The following SLC23A2 variants were observed in gnomAD, a reference collection of about 807,000 sequenced individuals.
SLC23A2 encodes the protein solute carrier family 23 member 2.
In SLC23A2, 36 loss-of-function variants were observed where a neutral mutation model predicts 73.3. The ratio of observed to expected loss-of-function variants is 0.49; its 90% CI spans 0.38 to 0.65. The LOEUF (loss-of-function observed/expected upper bound fraction) is 0.65, where lower values mean the gene tolerates loss of function less well. Ranked by LOEUF, SLC23A2 falls within the 30% of genes least tolerant of loss-of-function variation. SLC23A2 has a pLI of 0.00. For missense variants in SLC23A2, 507 were observed against 841.6 expected (o/e 0.60, Z 4.92); for synonymous variants, 343 against 327.3 (o/e 1.05, Z -0.52).
chr20:4,867,256 G>A (rs1930240300), intron 13 of SLC23A2, among the ~76,000 whole-genome samples: 1 of 151,868 alleles, frequency 6.6e-6, no homozygotes, highest in African/African-American at 2.4e-5. Context: ...ATAGGGCTCG[G>A]CCCTGGCCAC....
intron 4 of SLC23A2, among the ~76,000 whole-genome samples, chr20:4,912,015 T>C (rs1215774513): frequency 6.6e-6 from 1 of 151,136 alleles, no homozygotes; most frequent in Non-Finnish European, 1.5e-5. Flanking sequence ...TATTTCTTTT[T>C]TTTTTTTTTT....
rs1319533074 is a variant in SLC23A2, at chr20:4,863,737, G to A, written c.1357-830C>T. ...AGGCTCTTTCCAAGCACACCAGGCAGGCCTGGGCCTGTCTACCTGGACACC... is the reference window on the plus strand; with the variant it reads ...AGGCTCTTTCCAAGCACACCAGGCAAGCCTGGGCCTGTCTACCTGGACACC... On this transcript the variant is annotated intron_variant, in intron 13 of 16. Transcript: ENST00000338244. This position sits in a 1 kb window ranked among gnomAD's most constrained non-coding sequence, Gnocchi z 4.8. Among the ~76,000 whole-genome samples the A allele has an allele frequency of 6.6e-6, 1 of 152,102 alleles. No individual in the cohort carries two copies. The highest frequency in any genetic ancestry group is 1.5e-5 in the Non-Finnish European group (1 of 68,006).
intron 4 of SLC23A2, among the ~76,000 whole-genome samples, chr20:4,906,835 AT>A (rs764585757): frequency 8.6e-5 from 13 of 152,038 alleles, no homozygotes; most frequent in African/African-American, 2.2e-4. Context: ...AGAGATTAAT[AT>A]TTTTTTTAAT....
intron 3 of SLC23A2, among the ~76,000 whole-genome samples, chr20:4,928,097 G>A (rs1163715503): frequency 6.6e-6 from 1 of 152,130 alleles, no homozygotes; most frequent in African/African-American, 2.4e-5. Flanking sequence ...GGCATGCAAT[G>A]ACACAACTGC....
At chr20:4,889,941 G>A (rs1365590167) in intron 6 of SLC23A2, among the ~76,000 whole-genome samples, 1 of 152,060 alleles carries the variant, frequency 6.6e-6, no homozygotes, top group African/African-American at 2.4e-5. Context: ...CTCAGAGTTG[G>A]GGGTGAAATG....
chr20:4,871,157 A>G (rs928345732), intron 11 of SLC23A2, among the ~76,000 whole-genome samples: 18 of 152,166 alleles, frequency 1.2e-4, no homozygotes, highest in Admixed American at 9.2e-4. Flanking sequence ...ACACTCACTG[A>G]GCAGAAAGCA....
In SLC23A2 at chr20:4,868,441, G is replaced by A. The variant is rs900396158; in HGVS notation, c.1251-566C>T. Among the ~76,000 whole-genome samples, 1 of 152,128 alleles carries A rather than the reference G, an allele frequency of 6.6e-6. No homozygotes were observed. Among genetic ancestry groups the A allele is most frequent in the African/African-American group, 2.4e-5 (1 of 41,428 alleles). On this transcript the variant is annotated intron_variant, in intron 12 of 16. Coordinates refer to ENST00000338244, the MANE Select transcript of SLC23A2 (RefSeq NM_005116.6). The surrounding 1 kb of genome is among the most constrained non-coding windows in gnomAD (Gnocchi z 4.4). Reference sequence around the variant, plus strand: ...TGAGAAGCACATCTCTAAATCACACGTTAGATTTGAGTGTTTTTAAATCAC... The same window carrying A: ...TGAGAAGCACATCTCTAAATCACACATTAGATTTGAGTGTTTTTAAATCAC...
upstream of SLC23A2, among the ~76,000 whole-genome samples, chr20:5,005,809 G>A (rs538608499): frequency 6.6e-6 from 1 of 152,070 alleles, no homozygotes; most frequent in Non-Finnish European, 1.5e-5. Context: ...CCAACATGGT[G>A]AACCCCGTCT....
chr20:4,873,198 T>A (rs2122801384), intron 11 of SLC23A2, among the ~76,000 whole-genome samples: 1 of 152,298 alleles, frequency 6.6e-6, no homozygotes, highest in South Asian at 2.1e-4. Flanking sequence ...CTTGTCATTA[T>A]AAAAAATGAA....
chr20:4,988,372 G>A (rs996348708), intron 1 of SLC23A2, among the ~76,000 whole-genome samples: 3 of 151,956 alleles, frequency 2.0e-5, no homozygotes, highest in East Asian at 1.9e-4. Context: ...GAAACCGAGG[G>A]GGGGCCAATC....
At chr20:4,900,262 C>G (rs1360668306) in intron 5 of SLC23A2, among the ~76,000 whole-genome samples, 1 of 152,230 alleles carries the variant, frequency 6.6e-6, no homozygotes, top group African/African-American at 2.4e-5. Context: ...ACAAAGGAAA[C>G]AGTCAATATC....
In SLC23A2 at chr20:4,978,820, C is replaced by G. The variant is rs187424997; in HGVS notation, c.-281-7901G>C. On this transcript the variant is annotated intron_variant, in intron 1 of 16. Coordinates refer to ENST00000338244, the MANE Select transcript of SLC23A2 (RefSeq NM_005116.6). ...AAGGAGCCAACAAGACTAGCAAACC[C>G]CTAAAACCTAGCTAGGACAAGTGTT... Among the ~76,000 whole-genome samples the G allele has an allele frequency of 5.1e-4, 78 of 152,278 alleles. No individual in the cohort carries two copies. In the East Asian group the frequency reaches 0.012, roughly 24 times the overall value.
At chr20:4,948,209 T>G (rs1039093087) in intron 2 of SLC23A2, among the ~76,000 whole-genome samples, 4 of 152,154 alleles carry the variant, frequency 2.6e-5, no homozygotes, top group African/African-American at 9.6e-5. Context: ...ACCATGTCAT[T>G]CTCCAAGGAC....
chr20:4,950,905 G>T (rs74877115), intron 2 of SLC23A2, among the ~76,000 whole-genome samples: 4,352 of 152,302 alleles, frequency 0.029, 101 homozygotes, highest in Middle Eastern at 0.065. Context: ...GAGGAGCTCA[G>T]CAGTGGGATA....
chr20:4,856,764 AG>A lies in SLC23A2; in HGVS notation c.*207del. The A allele has an allele frequency of 1.8e-6, 1 of 546,128 alleles. No individual in the cohort carries two copies. The allele number at this position is 546,128 out of a possible 1,614,324, so 33.8% of individuals were successfully genotyped here. A position where few individuals can be genotyped will look rare whatever the true frequency, so the allele number is the denominator to read the frequency against. ...CAGCAATGGACACTCTCAAAGGGCA[AG>A]GAGTTAAGGGCTTAAATAAGGAGAT... is the stretch of plus-strand genomic sequence containing the variant. On this transcript the variant is annotated 3_prime_UTR_variant, in exon 17 of 17. Transcript: ENST00000338244. The surrounding 1 kb of genome is among the most constrained non-coding windows in gnomAD (Gnocchi z 4.6).
At chr20:4,891,466 C>T (rs1931329452) in intron 6 of SLC23A2, among the ~76,000 whole-genome samples, 1 of 152,152 alleles carries the variant, frequency 6.6e-6, no homozygotes, top group African/African-American at 2.4e-5. Context: ...GGGTCTCCGG[C>T]CTCAGGAGGG....
chr20:4,933,967 G>A (rs2086918926), intron 2 of SLC23A2, among the ~76,000 whole-genome samples: 1 of 152,106 alleles, frequency 6.6e-6, no homozygotes. Flanking sequence ...GGATGAGCCA[G>A]GGGAAAAACA....
chr20:4,923,604 T>G (rs1392616138), intron 3 of SLC23A2, among the ~76,000 whole-genome samples: 1 of 152,186 alleles, frequency 6.6e-6, no homozygotes, highest in Non-Finnish European at 1.5e-5. Context: ...GGAATCATAG[T>G]CAATTCCAAA....
At chr20:4,918,353 T>C (rs1236400248) in intron 3 of SLC23A2, among the ~76,000 whole-genome samples, 1 of 152,184 alleles carries the variant, frequency 6.6e-6, no homozygotes, top group Non-Finnish European at 1.5e-5. Context: ...AAACTAACAT[T>C]GTACAATCAA....
Sources: gnomAD v4.1 joint callset for allele counts (sites outside exome capture counted in the v4.1 genomes callset) on GRCh38, gnomAD v4.1.1 for gene constraint, Gnocchi (gnomAD v3.1) non-coding constraint, MANE v1.5 for transcripts, NCBI Gene and HGNC (gene_info 2026-07-23, HGNC 2026-07-21) for gene names.